Variants in ABR observed in about 807,000 individuals in gnomAD.
ABR encodes active breakpoint cluster region-related protein.
In ABR, 35 loss-of-function variants were observed where a neutral mutation model predicts 107.2. The observed-to-expected ratio is 0.33, with a 90% CI of 0.25 to 0.43. ABR has a LOEUF of 0.43. Among genes scored for constraint, ABR ranks in the 20% least tolerant of loss-of-function variants. The probability of loss-of-function intolerance (pLI) is 1.00; values close to 1 mark genes in which losing one functional copy is unlikely to be tolerated. For missense variants in ABR, 815 were observed against 1,115.2 expected, an observed-to-expected ratio of 0.73 and a Z score of 3.83; for synonymous variants, 498 against 462.0, an observed-to-expected ratio of 1.08 and a Z score of -1.00.
intron 1 of ABR, among the ~76,000 whole-genome samples, chr17:1,175,743 G>A (rs762546814): frequency 6.6e-6 from 1 of 152,116 alleles, no homozygotes; most frequent in African/African-American, 2.4e-5. Context: ...GATGGAAGTG[G>A]GCACACTCCT....
rs578101477 is a variant in ABR at position 1,207,110 on chromosome 17, A to G, written c.838+21683T>C. ...AAACAAACAAAAAAAAAAGCCAGGCATTGTGGTTCGTGCCTATAGTCCCAG... is the reference window on the plus strand; with the variant it reads ...AAACAAACAAAAAAAAAAGCCAGGCGTTGTGGTTCGTGCCTATAGTCCCAG... On this transcript the variant is annotated intron_variant, in intron 1 of 22. Transcript: ENST00000574139. Among the ~76,000 whole-genome samples the G allele has an allele frequency of 1.9e-4, 29 of 151,460 alleles. No individual in the cohort carries two copies. The South Asian group carries it at 4.2e-3, about 22-fold the overall frequency.
intron 1 of ABR, among the ~76,000 whole-genome samples, chr17:1,218,948 C>T (rs1403907857): frequency 6.6e-6 from 1 of 152,166 alleles, no homozygotes; most frequent in Non-Finnish European, 1.5e-5. Flanking sequence ...CTTCCACCCT[C>T]ACAAATGAAG....
chr17:1,112,872 CCCAA>C (rs1169179547), intron 2 of ABR, among the ~76,000 whole-genome samples: 91 of 152,220 alleles, frequency 6.0e-4, no homozygotes, highest in African/African-American at 2.0e-3. Flanking sequence ...CCTTCCCTGA[CCCAA>C]TCAGCAAGCA....
rs11334940 is a variant in ABR, at chr17:1,024,024, CAAAAAAA to C, written c.1792-10867_1792-10861del. On this transcript the variant is annotated intron_variant, in intron 16 of 22. Coordinates refer to ENST00000302538, the MANE Select transcript of ABR (RefSeq NM_021962.5). Reference sequence around the variant, plus strand: ...TGGGCGACAGAGCGAGACTCCATCTCAAAAAAAAAAAAAAAAAAAAAAAAAGCAGCAT... The same window carrying C: ...TGGGCGACAGAGCGAGACTCCATCTCAAAAAAAAAAAAAAAAAAGCAGCAT... Among the ~76,000 whole-genome samples, 31 of 47,662 alleles carry C rather than the reference CAAAAAAA, an allele frequency of 6.5e-4. 1 individual carries two copies. The highest frequency in any genetic ancestry group is 1.0e-3 in the Non-Finnish European group (27 of 25,772). The allele number at this position is 47,662 out of a possible 152,430, so 31.3% of individuals were successfully genotyped here.
intron 16 of ABR, among the ~76,000 whole-genome samples, chr17:1,028,290 G>T (rs2072406013): frequency 2.0e-5 from 3 of 151,126 alleles, no homozygotes; most frequent in Non-Finnish European, 4.4e-5. Flanking sequence ...GTAGACACGG[G>T]GTTTCACCAT....
chr17:1,156,072 G>C (rs961285056), intron 1 of ABR: 3 of 152,202 alleles, frequency 2.0e-5, no homozygotes, highest in East Asian at 1.9e-4. Context: ...TACCCAGGTG[G>C]CCCCAGGTTC....
At chr17:1,033,446 C>T (rs1039655735) in intron 16 of ABR, among the ~76,000 whole-genome samples, 3 of 152,204 alleles carry the variant, frequency 2.0e-5, no homozygotes, top group Non-Finnish European at 4.4e-5. Flanking sequence ...GTGTCCAAGG[C>T]CAGGACAAGC....
rs1180288164 is a variant in ABR, at chr17:1,148,643, C to T, written c.62-23276G>A. Among the ~76,000 whole-genome samples, 2 of 152,336 alleles carry T rather than the reference C, an allele frequency of 1.3e-5. No homozygotes were observed. The highest frequency in any genetic ancestry group is 4.8e-5 in the African/African-American group (2 of 41,572). ...AGCGTGAGCCCTGTCGTGATCTGCG[C>T]GTGCGAGGGATCGCAGTTCCATCCC... On this transcript the variant is annotated intron_variant, in intron 1 of 22. Transcript: ENST00000302538. This position sits in a 1 kb window ranked among gnomAD's most constrained non-coding sequence, Gnocchi z 4.9.
chr17:1,103,696 C>T (rs2038058915), intron 2 of ABR, among the ~76,000 whole-genome samples: 1 of 152,178 alleles, frequency 6.6e-6, no homozygotes, highest in Non-Finnish European at 1.5e-5. Flanking sequence ...GAAGACCCTC[C>T]CTCAAGAGGC....
intron 6 of ABR, among the ~76,000 whole-genome samples, chr17:1,076,552 T>C (rs1458404409): frequency 1.3e-5 from 2 of 151,848 alleles, no homozygotes; most frequent in Admixed American, 6.6e-5. Flanking sequence ...CAGCCCTCTC[T>C]TGGGTCCCAA....
chr17:1,045,725 T>C (rs1037558360), intron 16 of ABR, among the ~76,000 whole-genome samples: 5 of 152,246 alleles, frequency 3.3e-5, no homozygotes, highest in African/African-American at 1.2e-4. Context: ...ACGGCTATTG[T>C]GGCTGACATC....
At chr17:1,057,350 GTGT>G (rs2033427417) in intron 12 of ABR, among the ~76,000 whole-genome samples, 1 of 71,808 alleles carries the variant, frequency 1.4e-5, no homozygotes, top group Admixed American at 1.4e-4. Context: ...GTGTGTGTGT[GTGT>G]GTGTGTGTGT....
upstream of ABR, among the ~76,000 whole-genome samples, chr17:1,191,058 G>A (rs557036797): frequency 3.3e-5 from 5 of 152,192 alleles, no homozygotes; most frequent in South Asian, 2.1e-4. Flanking sequence ...ACGCCGGCCC[G>A]AGGGCGCTAT....
chr17:1,009,899 G>A, intron 20 of ABR, 115 bp from the exon 21 acceptor site: 1 of 897,224 alleles, frequency 1.1e-6, no homozygotes, highest in Non-Finnish European at 1.8e-6. Flanking sequence ...CAGGCCTTTG[G>A]GGAGCAGACC....
At chr17:1,169,700 T>C (rs535334053) in intron 1 of ABR, among the ~76,000 whole-genome samples, 2 of 152,300 alleles carry the variant, frequency 1.3e-5, no homozygotes, top group Non-Finnish European at 2.9e-5. Flanking sequence ...ACACAGCAGC[T>C]GGCTCTGCAG....
At chr17:1,171,410 T>A (rs2041706242) in intron 1 of ABR, among the ~76,000 whole-genome samples, 1 of 152,140 alleles carries the variant, frequency 6.6e-6, no homozygotes, top group Non-Finnish European at 1.5e-5. Flanking sequence ...ACCAGGCTTC[T>A]CTAGGCAGCA....
At chr17:1,058,892 G>T in intron 10 of ABR, 25 bp from the exon 11 acceptor site, 7 of 1,613,370 alleles carry the variant, frequency 4.3e-6, no homozygotes, top group South Asian at 1.1e-5. Flanking sequence ...GACACAGAGG[G>T]TTCCCCTCAC....
intron 4 of ABR, among the ~76,000 whole-genome samples, chr17:1,088,855 T>G (rs9892380): frequency 0.028 from 4,268 of 150,890 alleles, 206 homozygotes; most frequent in African/African-American, 0.098. Context: ...TCCCAAAGTG[T>G]TGCTGGGATT....
chr17:1,013,875 A>G (rs2070880817), intron 16 of ABR, among the ~76,000 whole-genome samples: 2 of 152,202 alleles, frequency 1.3e-5, no homozygotes, highest in Non-Finnish European at 2.9e-5. Flanking sequence ...CAACCCTCAC[A>G]CAGGACTGTT....
Sources: gnomAD v4.1 joint callset for allele counts (sites outside exome capture counted in the v4.1 genomes callset) on GRCh38, gnomAD v4.1.1 for gene constraint, Gnocchi (gnomAD v3.1) non-coding constraint, MANE v1.5 for transcripts, NCBI Gene and HGNC (gene_info 2026-07-23, HGNC 2026-07-21) for gene names.